The following GPM6A variants were observed in gnomAD, a reference collection of about 807,000 sequenced individuals.
GPM6A encodes the protein neuronal membrane glycoprotein M6-a.
In GPM6A, 7 loss-of-function variants were observed where a neutral mutation model predicts 32.1. That is an observed-to-expected ratio of 0.22 (90% CI 0.12 to 0.41). The LOEUF is 0.41. GPM6A is among the 10% of genes least tolerant of loss of function. The pLI, the probability that GPM6A is intolerant of heterozygous loss-of-function variation, is 1.00. For missense variants in GPM6A, 235 were observed against 347.2 expected (o/e 0.68, Z 2.57); for synonymous variants, 130 against 123.4 (o/e 1.05, Z -0.35).
intron 1 of GPM6A, among the ~76,000 whole-genome samples, chr4:175,745,937 T>A (rs1258108740): frequency 6.6e-6 from 1 of 152,128 alleles, no homozygotes; most frequent in Non-Finnish European, 1.5e-5. Context: ...ATAGTGTGAA[T>A]GTGGATTTAA....
intron 1 of GPM6A, among the ~76,000 whole-genome samples, chr4:175,878,774 T>C (rs1258442643): frequency 6.6e-6 from 1 of 152,214 alleles, no homozygotes; most frequent in Non-Finnish European, 1.5e-5. Context: ...TGCAGCCACC[T>C]TGAATTTCTC....
At chr4:175,701,859 G>C (rs1744899837) in intron 1 of GPM6A, 92 bp from the exon 2 acceptor site, 1 of 805,728 alleles carries the variant, frequency 1.2e-6, no homozygotes. Context: ...AAGTATATTT[G>C]CACTGACAAT....
chr4:175,650,093 A>G (rs1488452234), intron 4 of GPM6A, among the ~76,000 whole-genome samples: 3 of 151,976 alleles, frequency 2.0e-5, no homozygotes, highest in Non-Finnish European at 4.4e-5. Flanking sequence ...TTTGAGAGTA[A>G]AACCTCCCCA....
Position 175,636,049 on chromosome 4 carries a change from G to T in GPM6A, c.685-992C>A, listed in dbSNP as rs185534959. ...AATAATGAATATTGTGGTGTGTTCA[G>T]GTAGTCAACAAACAGCAAAAAACAA... is the stretch of plus-strand genomic sequence containing the variant. On this transcript the variant is annotated intron_variant, in intron 6 of 6. Coordinates refer to ENST00000393658, the MANE Select transcript of GPM6A (RefSeq NM_201591.3). Among the ~76,000 whole-genome samples the T allele has an allele frequency of 1.4e-4, 21 of 151,824 alleles. No individual in the cohort carries two copies. The East Asian group carries it at 3.7e-3, about 27-fold the overall frequency.
At chr4:175,898,652 A>G (rs1388986054) in intron 1 of GPM6A, among the ~76,000 whole-genome samples, 1 of 152,116 alleles carries the variant, frequency 6.6e-6, no homozygotes. Flanking sequence ...TTCACACCTT[A>G]TTCTTCCTTG....
intron 1 of GPM6A, among the ~76,000 whole-genome samples, chr4:175,914,885 T>C (rs954234103): frequency 5.9e-5 from 9 of 152,168 alleles, no homozygotes; most frequent in African/African-American, 2.2e-4. Flanking sequence ...CATTTTATTT[T>C]CCTTTCACAA....
chr4:175,827,496 G>C (rs1043154869), intron 1 of GPM6A, among the ~76,000 whole-genome samples: 9 of 152,216 alleles, frequency 5.9e-5, no homozygotes, highest in Admixed American at 4.6e-4. Flanking sequence ...GCTGGGACTA[G>C]AACCCAGAAG....
chr4:175,995,604 G>T (rs1386199967), intron 1 of GPM6A, among the ~76,000 whole-genome samples: 1 of 152,056 alleles, frequency 6.6e-6, no homozygotes, highest in East Asian at 1.9e-4. Flanking sequence ...TGTTAAAATT[G>T]CAGGTCCAGC....
chr4:175,756,133 G>A (rs1271627189), intron 1 of GPM6A, among the ~76,000 whole-genome samples: 1 of 152,080 alleles, frequency 6.6e-6, no homozygotes, highest in Admixed American at 6.6e-5. Flanking sequence ...GTTCTGGAAG[G>A]TGTTAGGTGT....
rs918804145 is a variant in GPM6A at position 175,684,928 on chromosome 4, G to A, written c.231-11092C>T. Among the ~76,000 whole-genome samples, 24 of 151,818 alleles carry A rather than the reference G, an allele frequency of 1.6e-4. No homozygotes were observed. In the East Asian group the frequency reaches 1.7e-3, roughly 11 times the overall value. ...TTTTGAGACGGAGTCTCGCTCTGTC[G>A]CCCAGGCTGGAGTACAGTGGTGCGA... On this transcript the variant is annotated intron_variant, in intron 2 of 6. Transcript: ENST00000393658.
rs1745360465 is a variant in GPM6A at position 175,708,770 on chromosome 4, G to T, written c.38-7003C>A. Among the ~76,000 whole-genome samples, 5 of 152,112 alleles carry T rather than the reference G, an allele frequency of 3.3e-5. No homozygotes were observed. The South Asian group carries it at 8.3e-4, about 25-fold the overall frequency. ...GAGAGGTTAAAATATAATAGGTGAA[G>T]GTATAGGGACATCAATATGTTAATG... On this transcript the variant is annotated intron_variant, in intron 1 of 6. Transcript: ENST00000393658.
intron 1 of GPM6A, chr4:175,787,215 A>C: frequency 3.0e-6 from 2 of 676,830 alleles, no homozygotes; most frequent in Non-Finnish European, 5.2e-6. Flanking sequence ...CCAATTAATA[A>C]AATTCATCTT....
chr4:175,934,672 A>C (rs1739162682), intron 1 of GPM6A, among the ~76,000 whole-genome samples: 1 of 152,224 alleles, frequency 6.6e-6, no homozygotes, highest in Non-Finnish European at 1.5e-5. Flanking sequence ...ATAAAAAAGA[A>C]ATTAACTTTC....
At chr4:175,970,294 T>A (rs1417229644) in intron 1 of GPM6A, among the ~76,000 whole-genome samples, 2 of 152,138 alleles carry the variant, frequency 1.3e-5, no homozygotes, top group East Asian at 3.9e-4. Flanking sequence ...AAGGTCAGAC[T>A]CTCATTGCAG....
chr4:175,676,815 T>C (rs922539270), intron 2 of GPM6A, among the ~76,000 whole-genome samples: 1 of 152,144 alleles, frequency 6.6e-6, no homozygotes, highest in Non-Finnish European at 1.5e-5. Context: ...TTAATGAGTA[T>C]CACAAAAGAG....
chr4:175,917,923 C>T (rs1422077047), intron 1 of GPM6A, among the ~76,000 whole-genome samples: 2 of 152,034 alleles, frequency 1.3e-5, no homozygotes, highest in Non-Finnish European at 2.9e-5. Flanking sequence ...ATCCTTCTTT[C>T]CCGGTTCCCT....
chr4:175,927,188 T>C (rs1420163641), intron 1 of GPM6A, among the ~76,000 whole-genome samples: 2 of 152,244 alleles, frequency 1.3e-5, no homozygotes, highest in East Asian at 1.9e-4. Context: ...GCTTGTCTTC[T>C]GACACTGCCT....
chr4:175,877,639 A>G (rs1430124572), intron 1 of GPM6A, among the ~76,000 whole-genome samples: 1 of 152,168 alleles, frequency 6.6e-6, no homozygotes, highest in East Asian at 1.9e-4. Context: ...TCCATGATTC[A>G]GTTATCTCCA....
chr4:175,959,884 A>G (rs1740112555), intron 1 of GPM6A, among the ~76,000 whole-genome samples: 1 of 152,202 alleles, frequency 6.6e-6, no homozygotes, highest in Admixed American at 6.5e-5. Context: ...TAATTATAGT[A>G]ACTAATATTA....
Sources: allele counts gnomAD v4.1 joint callset (sites outside exome capture counted in the v4.1 genomes callset), GRCh38; gene constraint gnomAD v4.1.1; transcripts MANE v1.5; gene names NCBI Gene and HGNC (gene_info 2026-07-23, HGNC 2026-07-21).